TAFA2: variants seen among roughly 807,000 people sequenced by gnomAD.
TAFA2 encodes TAFA chemokine like family member 2, also known as chemokine-like protein TAFA-2.
TAFA2 carries 7 observed loss-of-function variants against 18.8 expected under a neutral mutation model. The observed-to-expected ratio is 0.37, with a 90% CI of 0.21 to 0.70. The LOEUF (loss-of-function observed/expected upper bound fraction) is 0.70, where lower values mean the gene tolerates loss of function less well. TAFA2 is among the 30% of genes least tolerant of loss of function. The probability of loss-of-function intolerance (pLI) is 0.53; values close to 1 mark genes in which losing one functional copy is unlikely to be tolerated. For missense variants in TAFA2, 122 were observed against 158.1 expected (o/e 0.77, Z 1.23); for synonymous variants, 60 against 54.2 (o/e 1.11, Z -0.47).
rs143147041 is a variant in TAFA2 at position 62,121,088 on chromosome 12, C to T, written c.-2+70171G>A. 8.6e-5 allele frequency among the ~76,000 whole-genome samples: 13 copies of T among 151,890 alleles called. No homozygotes were observed. The East Asian group carries it at 2.3e-3, about 27-fold the overall frequency. ...AGGCTGGTCTCAAACTCCTGACCTC[C>T]GGTGATCTGGCTGCATCATGATTTC... On this transcript the variant is annotated intron_variant, in intron 1 of 4. Transcript: ENST00000416284.
At chr12:61,904,593 T>C (rs907513316) in intron 1 of TAFA2, among the ~76,000 whole-genome samples, 13 of 152,240 alleles carry the variant, frequency 8.5e-5, no homozygotes, top group East Asian at 1.9e-4. Context: ...ACTAATCCCA[T>C]TGATGATCAA....
At chr12:61,724,675 T>C (rs774705952) in intron 4 of TAFA2, among the ~76,000 whole-genome samples, 9 of 151,904 alleles carry the variant, frequency 5.9e-5, no homozygotes, top group East Asian at 3.9e-4. Context: ...CTTAGAATAA[T>C]GGCCTCCATC....
intron 1 of TAFA2, among the ~76,000 whole-genome samples, chr12:62,081,478 T>TTTTG (rs200158676): frequency 0.18 from 27,280 of 150,670 alleles, 2,703 homozygotes; most frequent in East Asian, 0.38. Context: ...TTGTTTTTTA[T>TTTTG]TTTGTTTGTT....
intron 1 of TAFA2, among the ~76,000 whole-genome samples, chr12:62,083,391 G>T (rs1868352873): frequency 6.6e-6 from 1 of 151,878 alleles, no homozygotes; most frequent in African/African-American, 2.4e-5. Flanking sequence ...CCAAAAAGAA[G>T]AAAAATACTT....
At chr12:62,214,745 T>C (rs79362509) in intron 1 of TAFA2, among the ~76,000 whole-genome samples, 3,472 of 151,954 alleles carry the variant, frequency 0.023, 136 homozygotes, top group African/African-American at 0.078. Context: ...TTGGAAAAAA[T>C]GAACCTGCTG....
intron 1 of TAFA2, among the ~76,000 whole-genome samples, chr12:62,178,317 G>C (rs1158107386): frequency 6.6e-6 from 1 of 152,194 alleles, no homozygotes; most frequent in East Asian, 1.9e-4. Context: ...TATGAAAAAA[G>C]AAAGAGACCT....
chr12:62,202,947 C>T (rs2062677992), intron 1 of TAFA2, among the ~76,000 whole-genome samples: 1 of 151,078 alleles, frequency 6.6e-6, no homozygotes, highest in Non-Finnish European at 1.5e-5. Flanking sequence ...ATACCTCAGC[C>T]TCCTTTGTAG....
rs188280915 is a variant in TAFA2 at position 61,816,253 on chromosome 12, T to C, written c.106+51067A>G. ...ATGAGTTCTCATCATTAGCTCCCACTTGTAAGTGGAAACATGCAATATTTG... is the reference window on the plus strand; with the variant it reads ...ATGAGTTCTCATCATTAGCTCCCACCTGTAAGTGGAAACATGCAATATTTG... On this transcript the variant is annotated intron_variant, in intron 2 of 4. Coordinates refer to ENST00000416284, the MANE Select transcript of TAFA2 (RefSeq NM_178539.5). 5.4e-4 allele frequency among the ~76,000 whole-genome samples: 82 copies of C among 151,390 alleles called. 6 individuals carry two copies. The highest frequency in any genetic ancestry group is 2.0e-3 in the African/African-American group (81 of 40,712).
chr12:61,748,403 C>G (rs931593846), intron 4 of TAFA2, among the ~76,000 whole-genome samples: 4 of 152,090 alleles, frequency 2.6e-5, no homozygotes, highest in African/African-American at 9.7e-5. Context: ...GGGGATGTGT[C>G]TGTTAAGAAA....
intron 2 of TAFA2, among the ~76,000 whole-genome samples, chr12:61,853,359 T>C (rs1216979877): frequency 6.6e-6 from 1 of 151,866 alleles, no homozygotes; most frequent in East Asian, 1.9e-4. Context: ...AAAAGAGATA[T>C]GTGGAAATAA....
At chr12:62,213,608 A>G (rs1203945583) in intron 1 of TAFA2, among the ~76,000 whole-genome samples, 2 of 149,436 alleles carry the variant, frequency 1.3e-5, no homozygotes, top group Non-Finnish European at 3.0e-5. Context: ...GTGCCACTGC[A>G]CTCCAGTCTG....
At chr12:62,142,565 T>A (rs1050436628) in intron 1 of TAFA2, among the ~76,000 whole-genome samples, 3 of 152,102 alleles carry the variant, frequency 2.0e-5, no homozygotes. Context: ...CTACCCAATA[T>A]TGGCCAATAT....
At chr12:62,091,591 T>G (rs1868715038) in intron 1 of TAFA2, among the ~76,000 whole-genome samples, 1 of 151,890 alleles carries the variant, frequency 6.6e-6, no homozygotes, top group Admixed American at 6.6e-5. Context: ...ACATCACAAC[T>G]GATAGGTCAG....
intron 2 of TAFA2, among the ~76,000 whole-genome samples, chr12:61,803,568 C>T (rs574755753): frequency 6.6e-6 from 1 of 151,964 alleles, no homozygotes; most frequent in African/African-American, 2.4e-5. Flanking sequence ...CTAAATCCCC[C>T]TTTAGCATAT....
chr12:61,747,437 T>C (rs1196300120), intron 4 of TAFA2, among the ~76,000 whole-genome samples: 1 of 146,994 alleles, frequency 6.8e-6, no homozygotes, highest in African/African-American at 2.6e-5. Flanking sequence ...GCGGCATTAT[T>C]CACGATAGCA....
intron 1 of TAFA2, among the ~76,000 whole-genome samples, chr12:61,953,969 T>C (rs560007874): frequency 1.5e-3 from 221 of 152,362 alleles, no homozygotes; most frequent in African/African-American, 5.2e-3. Flanking sequence ...CATTTGTTTT[T>C]TATTTTTCTT....
chr12:61,773,550 C>T (rs1373245529), intron 2 of TAFA2, among the ~76,000 whole-genome samples: 3 of 151,818 alleles, frequency 2.0e-5, no homozygotes, highest in Non-Finnish European at 2.9e-5. Context: ...AGAAATAAAC[C>T]CAAATACATA....
At chr12:61,792,779 A>G (rs1287297781) in intron 2 of TAFA2, among the ~76,000 whole-genome samples, 1 of 151,472 alleles carries the variant, frequency 6.6e-6, no homozygotes, top group African/African-American at 2.4e-5. Flanking sequence ...ACTTTAAGAG[A>G]AAAAAAATAA....
chr12:62,246,031 G>C (rs2062884228), intron 1 of TAFA2, among the ~76,000 whole-genome samples: 2 of 149,016 alleles, frequency 1.3e-5, no homozygotes, highest in Non-Finnish European at 3.0e-5. Flanking sequence ...CTGTCGCCCA[G>C]GCTGGAGTGC....
Sources: allele counts gnomAD v4.1 joint callset (sites outside exome capture counted in the v4.1 genomes callset), GRCh38; gene constraint gnomAD v4.1.1; transcripts MANE v1.5; gene names NCBI Gene and HGNC (gene_info 2026-07-23, HGNC 2026-07-21).